FCRL1: variants seen among roughly 807,000 people sequenced by gnomAD.
FCRL1 encodes Fc receptor like 1, also known as Fc receptor-like protein 1.
In FCRL1, 34 loss-of-function variants were observed where a neutral mutation model predicts 49.2. The ratio of observed to expected loss-of-function variants is 0.69; its 90% CI spans 0.53 to 0.92. The LOEUF is 0.92. Ranked by LOEUF, FCRL1 falls within the 40% of genes least tolerant of loss-of-function variation. The pLI is 0.00. For missense variants in FCRL1, 524 were observed against 524.1 expected (o/e 1.00, Z 0.00); for synonymous variants, 218 against 201.6 (o/e 1.08, Z -0.69).
chr1:157,802,130 A>C lies in FCRL1; in HGVS notation c.671T>G (p.Val224Gly). The C allele has an allele frequency of 1.2e-6, 2 of 1,614,212 alleles. No homozygotes were observed. The highest frequency in any genetic ancestry group is 1.7e-6 in the Non-Finnish European group (2 of 1,180,018). ...CAGGGCCTCACAGTGAAGCTCCAGC[A>C]CATCCTCCACTGCAGCCTGGGCCCT... ...APRAQAAVED[V>G]LELHCEALRG... is the part of the protein sequence containing the mutation. Residue 224 changes from valine (V) to glycine (G), a missense_variant, in exon 5 of 11, where the codon GTG becomes GGG. Transcript: ENST00000368176.
rs371676239 is a variant in FCRL1, at chr1:157,797,758, C to G, written c.1186+110G>C. The G allele has an allele frequency of 3.5e-5, 55 of 1,592,286 alleles. No individual in the cohort carries two copies. The African/African-American group carries it at 6.1e-4, about 18-fold the overall frequency. Reference sequence around the variant, plus strand: ...CATTAAGTACACACAGTGATGCTCACAGCCTTCTGCTCTGAGGAATGCTGT... The same window carrying G: ...CATTAAGTACACACAGTGATGCTCAGAGCCTTCTGCTCTGAGGAATGCTGT... On this transcript the variant is annotated intron_variant, in intron 9 of 10. Coordinates refer to ENST00000368176, the MANE Select transcript of FCRL1 (RefSeq NM_052938.5).
At chr1:157,804,253 C>G (rs376709637) in intron 2 of FCRL1, 142 bp from the exon 3 acceptor site, 93 of 942,242 alleles carry the variant, frequency 9.9e-5, no homozygotes, top group East Asian at 7.4e-4. Flanking sequence ...TCCACCCCCC[C>G]CCCAGTGGCC....
intron 9 of FCRL1, 22 bp from the exon 10 acceptor site, chr1:157,797,154 T>G: frequency 6.2e-7 from 1 of 1,612,562 alleles, no homozygotes. Flanking sequence ...AGACAAGTGC[T>G]GTGACATTCC....
intron 7 of FCRL1, 136 bp from the exon 8 acceptor site, chr1:157,798,379 G>T (rs2101817959): frequency 1.4e-6 from 1 of 717,762 alleles, no homozygotes; most frequent in Non-Finnish European, 2.3e-6. Flanking sequence ...CAGCTAGAAG[G>T]CACAGCAGTG....
chr1:157,801,892 C>T lies in FCRL1; in HGVS notation c.886+23G>A, dbSNP rs548507867. On this transcript the variant is annotated intron_variant, in intron 5 of 10. Coordinates refer to ENST00000368176, the MANE Select transcript of FCRL1 (RefSeq NM_052938.5). ...GCTGGGAAGGAGACATTGACCAAGA[C>T]AGTTCCATAGCCTGAGCTATACCTG... 1.9e-5 allele frequency: 30 copies of T among 1,599,276 alleles called. No homozygotes were observed. In the South Asian group the frequency reaches 3.4e-4, roughly 18 times the overall value.
chr1:157,796,482 T>C (rs1651506053), intron 10 of FCRL1, among the ~76,000 whole-genome samples: 1 of 152,216 alleles, frequency 6.6e-6, no homozygotes, highest in African/African-American at 2.4e-5. Context: ...TTTATATTCA[T>C]AAATTAAATG....
chr1:157,795,010 A>G lies in FCRL1; in HGVS notation c.*1089T>C, dbSNP rs974322477. 2 of 152,242 alleles carry G rather than the reference A, an allele frequency of 1.3e-5. No individual in the cohort carries two copies. The highest frequency in any genetic ancestry group is 2.9e-5 in the Non-Finnish European group (2 of 68,030). 9.4% of individuals were successfully genotyped at this position (152,242 alleles called of 1,614,324 possible). On this transcript the variant is annotated 3_prime_UTR_variant, in exon 11 of 11. Transcript: ENST00000368176. Reference sequence around the variant, plus strand: ...AAAATATCTAGAGAGCTACCTGTAAAGTTTTTAACAATAGTTAACATTTGT... The same window carrying G: ...AAAATATCTAGAGAGCTACCTGTAAGGTTTTTAACAATAGTTAACATTTGT...
At chr1:157,807,600 G>A (rs1317833992) in intron 1 of FCRL1, among the ~76,000 whole-genome samples, 1 of 152,214 alleles carries the variant, frequency 6.6e-6, no homozygotes, top group African/African-American at 2.4e-5. Context: ...GGCAAGGAGA[G>A]TGCACAGCCT....
intron 7 of FCRL1, among the ~76,000 whole-genome samples, chr1:157,799,303 A>G (rs921694452): frequency 2.6e-5 from 4 of 152,088 alleles, no homozygotes; most frequent in African/African-American, 9.7e-5. Flanking sequence ...CCCAGCCGCA[A>G]TGTGATTTTA....
intron 6 of FCRL1, among the ~76,000 whole-genome samples, 159 bp from the exon 7 acceptor site, chr1:157,800,244 G>C (rs1403311459): frequency 6.6e-6 from 1 of 152,182 alleles, no homozygotes; most frequent in South Asian, 2.1e-4. Flanking sequence ...ATCATTTACA[G>C]AGCCTTCATT....
At chr1:157,811,996 C>T (rs1004652411) in intron 1 of FCRL1, among the ~76,000 whole-genome samples, 6 of 152,142 alleles carry the variant, frequency 3.9e-5, no homozygotes, top group Non-Finnish European at 7.3e-5. Context: ...AAGCCTTATC[C>T]AGAAGACCAG....
At chr1:157,804,132 C>CA (rs1557905476) in intron 2 of FCRL1, 21 bp from the exon 3 acceptor site, 1 of 1,611,380 alleles carries the variant, frequency 6.2e-7, no homozygotes, top group Non-Finnish European at 8.5e-7. Flanking sequence ...GAATTAAACA[C>CA]AAATGATTAA....
rs1651362958 is a variant in FCRL1, at chr1:157,795,684, A to G, written c.*415T>C. ...TCTGTGCTGTCTGGGCAGAGAAAGC[A>G]CTTGGACTGAATGATGGGCACAGCT... On this transcript the variant is annotated 3_prime_UTR_variant, in exon 11 of 11. Transcript: ENST00000368176. 1 of 158,256 alleles carries G rather than the reference A, an allele frequency of 6.3e-6. No individual in the cohort carries two copies. 9.8% of individuals were successfully genotyped at this position (158,256 alleles called of 1,614,324 possible). A position where few individuals can be genotyped will look rare whatever the true frequency, so the allele number is the denominator to read the frequency against.
At position 157,798,035 on chromosome 1, in the gene FCRL1, T is replaced by C. The variant is rs1439277875; in HGVS notation, c.1115-96A>G. 4.0e-6 allele frequency: 6 copies of C among 1,512,610 alleles called. No individual in the cohort carries two copies. The African/African-American group carries it at 8.3e-5, about 21-fold the overall frequency. The allele number at this position is 1,512,610 out of a possible 1,614,324, so 93.7% of individuals were successfully genotyped here. A position where few individuals can be genotyped will look rare whatever the true frequency, so the allele number is the denominator to read the frequency against. ...CACCTGTCACAGCCATGAAGACAGA[T>C]GAGTCATTTGTTTGTAGCAGAGGCT... On this transcript the variant is annotated intron_variant, in intron 8 of 10. Coordinates refer to ENST00000368176, the MANE Select transcript of FCRL1 (RefSeq NM_052938.5).
intron 5 of FCRL1, 109 bp downstream of exon 5, chr1:157,801,806 G>T: frequency 1.5e-6 from 2 of 1,322,874 alleles, no homozygotes; most frequent in South Asian, 1.4e-5. Flanking sequence ...TCACACAGAG[G>T]CCCCACCATG....
At chr1:157,804,186 C>G in intron 2 of FCRL1, 75 bp from the exon 3 acceptor site, 8 of 1,553,468 alleles carry the variant, frequency 5.1e-6, no homozygotes, top group Non-Finnish European at 5.2e-6. Context: ...TGTCTCAGCA[C>G]TTGCCAACAA....
rs375860534 is a variant in FCRL1 at position 157,819,943 on chromosome 1, C to G, written c.31+64G>C. The G allele has an allele frequency of 5.5e-5, 87 of 1,586,134 alleles. No individual in the cohort carries two copies. In the East Asian group the frequency reaches 1.8e-3, roughly 33 times the overall value. Reference sequence around the variant, plus strand: ...CTTAGTCCTAAGAAGTCCTTACAGCCCTTCAGGAAGCAGAGCCCAAGCATG... The same window carrying G: ...CTTAGTCCTAAGAAGTCCTTACAGCGCTTCAGGAAGCAGAGCCCAAGCATG... On this transcript the variant is annotated intron_variant, in intron 1 of 10. Transcript: ENST00000368176.
Position 157,797,576 on chromosome 1 carries a change from A to G in FCRL1, c.1186+292T>C, listed in dbSNP as rs938305061. Reference sequence around the variant, plus strand: ...TATTGTAACTACATGTTTTACCTCCATCGTGTTGGGAGGTCAGGAAGAGGT... The same window carrying G: ...TATTGTAACTACATGTTTTACCTCCGTCGTGTTGGGAGGTCAGGAAGAGGT... On this transcript the variant is annotated intron_variant, in intron 9 of 10. Coordinates refer to ENST00000368176, the MANE Select transcript of FCRL1 (RefSeq NM_052938.5). 12 of 632,074 alleles carry G rather than the reference A, an allele frequency of 1.9e-5. No individual in the cohort carries two copies. In the Admixed American group the frequency reaches 2.8e-4, roughly 15 times the overall value. 39.2% of individuals were successfully genotyped at this position (632,074 alleles called of 1,614,324 possible).
At chr1:157,807,289 C>T (rs750480980) in intron 1 of FCRL1, among the ~76,000 whole-genome samples, 167 bp from the exon 2 acceptor site, 7 of 152,070 alleles carry the variant, frequency 4.6e-5, no homozygotes, top group Non-Finnish European at 1.0e-4. Context: ...CCCCTTCCTT[C>T]TTTCATCTTC....
Sources: allele counts gnomAD v4.1 joint callset (sites outside exome capture counted in the v4.1 genomes callset), GRCh38; gene constraint gnomAD v4.1.1; transcripts MANE v1.5; gene names NCBI Gene and HGNC (gene_info 2026-07-23, HGNC 2026-07-21).